The following KCTD16 variants were observed in gnomAD, a reference collection of about 807,000 sequenced individuals.
KCTD16 encodes the protein potassium channel tetramerization domain containing 16.
KCTD16 carries 13 observed loss-of-function variants against 33.2 expected under a neutral mutation model. The ratio of observed to expected loss-of-function variants is 0.39; its 90% CI spans 0.25 to 0.62. The LOEUF is 0.62. Ranked by LOEUF, KCTD16 falls within the 20% of genes least tolerant of loss-of-function variation. The pLI, the probability that KCTD16 is intolerant of heterozygous loss-of-function variation, is 0.50. For synonymous variants in KCTD16, 197 were observed against 195.3 expected, an observed-to-expected ratio of 1.01 and a Z score of -0.07; for missense variants, 441 against 525.1, an observed-to-expected ratio of 0.84 and a Z score of 1.57.
intron 3 of KCTD16, among the ~76,000 whole-genome samples, chr5:144,350,097 A>G (rs1217751209): frequency 6.6e-6 from 1 of 152,202 alleles, no homozygotes; most frequent in Non-Finnish European, 1.5e-5. Flanking sequence ...CAGGCTCGCT[A>G]CAGAATTATC....
chr5:144,443,146 C>T (rs540720232), intron 3 of KCTD16, among the ~76,000 whole-genome samples: 6 of 152,152 alleles, frequency 3.9e-5, no homozygotes, highest in African/African-American at 7.2e-5. Context: ...CCCTTACTTG[C>T]GTGAAACTGG....
intron 3 of KCTD16, among the ~76,000 whole-genome samples, chr5:144,335,918 A>T (rs761444464): frequency 2.0e-5 from 3 of 152,160 alleles, no homozygotes; most frequent in Non-Finnish European, 4.4e-5. Flanking sequence ...CATTTTAAGA[A>T]CCTGAAATTC....
chr5:144,189,483 G>A (rs1752796726), intron 2 of KCTD16, among the ~76,000 whole-genome samples: 1 of 140,444 alleles, frequency 7.1e-6, no homozygotes, highest in Non-Finnish European at 1.5e-5. Flanking sequence ...GTGACAGAGT[G>A]AGACTCCATC....
chr5:144,254,050 T>C (rs1015241036), intron 3 of KCTD16, among the ~76,000 whole-genome samples: 2 of 152,234 alleles, frequency 1.3e-5, no homozygotes, highest in African/African-American at 2.4e-5. Context: ...TAACAATTTG[T>C]TGTCTCCTGA....
intron 3 of KCTD16, among the ~76,000 whole-genome samples, chr5:144,400,976 C>T (rs1752689873): frequency 6.6e-6 from 1 of 152,004 alleles, no homozygotes. Context: ...GAGAAAAGGC[C>T]AGGGCAATTG....
chr5:144,388,349 G>A (rs182796134), intron 3 of KCTD16, among the ~76,000 whole-genome samples: 27 of 152,020 alleles, frequency 1.8e-4, no homozygotes, highest in Non-Finnish European at 3.5e-4. Flanking sequence ...CCAAAGTGCT[G>A]GGATTACAGG....
chr5:144,221,591 A>G lies in KCTD16; in HGVS notation c.832+14045A>G, dbSNP rs148351885. Among the ~76,000 whole-genome samples, 159 of 152,334 alleles carry G rather than the reference A, an allele frequency of 1.0e-3. 1 individual carries two copies. In the East Asian group the frequency reaches 0.026, roughly 25 times the overall value. ...CTTCATCCGTGTCCCTGCAAAGGACATGAATTCATCCCTTTTTATGGCTGC... is the reference window on the plus strand; with the variant it reads ...CTTCATCCGTGTCCCTGCAAAGGACGTGAATTCATCCCTTTTTATGGCTGC... On this transcript the variant is annotated intron_variant, in intron 3 of 3. Coordinates refer to ENST00000512467, the MANE Select transcript of KCTD16 (RefSeq NM_020768.4).
intron 3 of KCTD16, among the ~76,000 whole-genome samples, chr5:144,455,077 G>A (rs1754031595): frequency 6.6e-6 from 1 of 151,924 alleles, no homozygotes; most frequent in Admixed American, 6.6e-5. Context: ...AAGCCCCAGG[G>A]GGTCACAGAC....
At chr5:144,416,445 G>A (rs1753056270) in intron 3 of KCTD16, among the ~76,000 whole-genome samples, 1 of 152,142 alleles carries the variant, frequency 6.6e-6, no homozygotes, top group Non-Finnish European at 1.5e-5. Context: ...GGAATGTTAT[G>A]AAGATTGAAT....
Position 144,435,955 on chromosome 5 carries a change from T to C in KCTD16, c.833-37705T>C, listed in dbSNP as rs530327163. Among the ~76,000 whole-genome samples the C allele has an allele frequency of 2.0e-5, 3 of 152,314 alleles. No homozygotes were observed. In the South Asian group the frequency reaches 6.2e-4, roughly 32 times the overall value. On this transcript the variant is annotated intron_variant, in intron 3 of 3. Transcript: ENST00000512467. The stretch of plus-strand genomic sequence containing the variant: ...CTTCAGCATTTCTCTGCTATTTTAC[T>C]GGCCTAGAGTCCATTCTCCAGCATT...
chr5:144,175,406 A>G (rs1752484156), intron 2 of KCTD16, among the ~76,000 whole-genome samples: 1 of 152,216 alleles, frequency 6.6e-6, no homozygotes, highest in African/African-American at 2.4e-5. Context: ...TTAATATACT[A>G]ATTTATCTAA....
chr5:144,315,715 G>T (rs191148288), intron 3 of KCTD16, among the ~76,000 whole-genome samples: 161 of 152,234 alleles, frequency 1.1e-3, no homozygotes, highest in African/African-American at 3.0e-3. Flanking sequence ...TGCCATGCAG[G>T]TAGTAAGTAG....
At chr5:144,238,341 A>G (rs1286502797) in intron 3 of KCTD16, among the ~76,000 whole-genome samples, 1 of 152,152 alleles carries the variant, frequency 6.6e-6, no homozygotes, top group East Asian at 1.9e-4. Flanking sequence ...TTCTTTCTCA[A>G]TGTCCCTTAA....
intron 2 of KCTD16, among the ~76,000 whole-genome samples, chr5:144,190,004 C>G (rs1175364966): frequency 1.3e-5 from 2 of 152,132 alleles, no homozygotes; most frequent in Non-Finnish European, 2.9e-5. Flanking sequence ...ACTGCAGATT[C>G]GTTGTGAGTA....
chr5:144,418,770 A>G (rs1753142774), intron 3 of KCTD16, among the ~76,000 whole-genome samples: 1 of 152,104 alleles, frequency 6.6e-6, no homozygotes, highest in African/African-American at 2.4e-5. Context: ...AAATATTTTC[A>G]TTTTCTAATA....
chr5:144,206,650 A>T lies in KCTD16; in HGVS notation c.-65A>T. 7.4e-7 allele frequency: 1 copy of T among 1,357,590 alleles called. No individual in the cohort carries two copies. The allele number at this position is 1,357,590 out of a possible 1,614,324, so 84.1% of individuals were successfully genotyped here. On this transcript the variant is annotated 5_prime_UTR_variant, in exon 3 of 4. Transcript: ENST00000512467. ...CCTTTCTTACAAGTTGATCCAAAGG[A>T]TAAGGCTGTGACTCCATTGGATTGC... is the stretch of plus-strand genomic sequence containing the variant.
At chr5:144,208,976 T>A (rs1753280170) in intron 3 of KCTD16, among the ~76,000 whole-genome samples, 1 of 152,192 alleles carries the variant, frequency 6.6e-6, no homozygotes. Context: ...TTCCCACTAG[T>A]GTAGAGATAA....
intron 3 of KCTD16, among the ~76,000 whole-genome samples, chr5:144,448,418 T>G (rs1185010165): frequency 2.6e-5 from 4 of 152,090 alleles, no homozygotes; most frequent in African/African-American, 9.7e-5. Context: ...CTCTGTGTGT[T>G]CTTGGAGATG....
chr5:144,472,684 C>T (rs996102491), intron 3 of KCTD16, among the ~76,000 whole-genome samples: 12 of 152,108 alleles, frequency 7.9e-5, no homozygotes, highest in East Asian at 1.9e-4. Flanking sequence ...CTTCACTATG[C>T]TCATACTAAG....
Sources: allele counts gnomAD v4.1 joint callset (sites outside exome capture counted in the v4.1 genomes callset), GRCh38; gene constraint gnomAD v4.1.1; transcripts MANE v1.5; gene names NCBI Gene and HGNC (gene_info 2026-07-23, HGNC 2026-07-21).